Variants in PFKFB4 observed in about 807,000 individuals in gnomAD.
The protein encoded by PFKFB4 is 6-phosphofructo-2-kinase/fructose-2,6-biphosphatase 4, also known as 6-phosphofructo-2-kinase/fructose-2,6-bisphosphatase 4.
In PFKFB4, 42 loss-of-function variants were observed where a neutral mutation model predicts 62.8. The ratio of observed to expected loss-of-function variants is 0.67; its 90% CI spans 0.52 to 0.86. The LOEUF (loss-of-function observed/expected upper bound fraction) is 0.86, where lower values mean the gene tolerates loss of function less well. Among genes scored for constraint, PFKFB4 ranks in the 40% least tolerant of loss-of-function variants. PFKFB4 has a pLI of 0.00. For synonymous variants in PFKFB4, 204 were observed against 240.7 expected, an observed-to-expected ratio of 0.85 and a Z score of 1.41; for missense variants, 475 against 627.2, an observed-to-expected ratio of 0.76 and a Z score of 2.59.
chr3:48,536,692 G>A (rs1016866246), intron 7 of PFKFB4: 9 of 537,854 alleles, frequency 1.7e-5, no homozygotes, highest in East Asian at 8.9e-5. Flanking sequence ...GGAGGTGCTC[G>A]TCACTCATCA....
chr3:48,553,981 C>T (rs1560181665), intron 1 of PFKFB4, among the ~76,000 whole-genome samples: 1 of 152,204 alleles, frequency 6.6e-6, no homozygotes, highest in Non-Finnish European at 1.5e-5. Flanking sequence ...GGTCTGAGCT[C>T]GGAGGCCAAT....
upstream of PFKFB4, among the ~76,000 whole-genome samples, chr3:48,557,950 G>T (rs1488436138): frequency 6.6e-6 from 1 of 151,584 alleles, no homozygotes; most frequent in Non-Finnish European, 1.5e-5. Context: ...TTAGTATTTT[G>T]GTTTTTTTAA....
intron 3 of PFKFB4, among the ~76,000 whole-genome samples, chr3:48,549,367 A>C (rs1459468381): frequency 6.6e-6 from 1 of 152,100 alleles, no homozygotes; most frequent in Non-Finnish European, 1.5e-5. Context: ...TCCTGGGGCA[A>C]GGGAGGAAGC....
intron 3 of PFKFB4, among the ~76,000 whole-genome samples, chr3:48,546,036 TAA>T (rs2042953796): frequency 6.6e-6 from 1 of 151,752 alleles, no homozygotes; most frequent in Admixed American, 6.6e-5. Context: ...TGTGTGTGTA[TAA>T]GAGAGTGCAA....
At chr3:48,531,433 AT>A (rs757109110) in intron 9 of PFKFB4, among the ~76,000 whole-genome samples, 845 of 140,112 alleles carry the variant, frequency 6.0e-3, no homozygotes, top group Admixed American at 6.1e-3. Flanking sequence ...GGAAGCAGAA[AT>A]TTTTTTTTTT....
At position 48,533,403 on chromosome 3, in the gene PFKFB4, C is replaced by G. The variant is rs532770930; in HGVS notation, c.987+2109G>C. On this transcript the variant is annotated intron_variant, in intron 9 of 13. Coordinates refer to ENST00000232375, the MANE Select transcript of PFKFB4 (RefSeq NM_004567.4). Reference sequence around the variant, plus strand: ...ACCACAGTAAAAAAAAATGGAAAAACAAAAGCAGGGGTGGTAATATTCAAA... The same window carrying G: ...ACCACAGTAAAAAAAAATGGAAAAAGAAAAGCAGGGGTGGTAATATTCAAA... 5.9e-5 allele frequency among the ~76,000 whole-genome samples: 9 copies of G among 152,052 alleles called. No individual in the cohort carries two copies. The East Asian group carries it at 1.7e-3, about 29-fold the overall frequency.
Position 48,540,521 on chromosome 3 carries a change from T to C in PFKFB4, c.379-750A>G, listed in dbSNP as rs553861044. Among the ~76,000 whole-genome samples, 65 of 152,328 alleles carry C rather than the reference T, an allele frequency of 4.3e-4. 1 individual carries two copies. Among genetic ancestry groups the C allele is most frequent in the African/African-American group, 1.5e-3 (63 of 41,578 alleles). Reference sequence around the variant, plus strand: ...AGCTCTTTGAGAAGTACCTGGGGCCTGCACAAGCATCCTCTGAGTAGCCTC... The same window carrying C: ...AGCTCTTTGAGAAGTACCTGGGGCCCGCACAAGCATCCTCTGAGTAGCCTC... On this transcript the variant is annotated intron_variant, in intron 4 of 13. Coordinates refer to ENST00000232375, the MANE Select transcript of PFKFB4 (RefSeq NM_004567.4).
At chr3:48,522,080 C>CA (rs1209392033) in intron 12 of PFKFB4, 30 bp from the exon 13 acceptor site, 4 of 1,607,228 alleles carry the variant, frequency 2.5e-6, no homozygotes. Flanking sequence ...AATCCATCCC[C>CA]ACTCCTGAAA....
In PFKFB4 at chr3:48,523,527, G is replaced by T; in HGVS notation, c.1285+10C>A. ...GCTACCCATGGTCAATGTGCAGGAA[G>T]CTTCCTTACCATATGCCACAGGAGT... On this transcript the variant is annotated intron_variant, in intron 12 of 13. Coordinates refer to ENST00000232375, the MANE Select transcript of PFKFB4 (RefSeq NM_004567.4). 1 of 1,613,174 alleles carries T rather than the reference G, an allele frequency of 6.2e-7. No homozygotes were observed. Among genetic ancestry groups the T allele is most frequent in the Non-Finnish European group, 8.5e-7 (1 of 1,179,214 alleles).
intron 9 of PFKFB4, among the ~76,000 whole-genome samples, chr3:48,534,873 A>G (rs1344077609): frequency 1.3e-5 from 2 of 151,824 alleles, no homozygotes; most frequent in Non-Finnish European, 2.9e-5. Flanking sequence ...CAGTGGCACA[A>G]TCTCAGCCCA....
Position 48,543,523 on chromosome 3 carries a change from A to G in PFKFB4, c.378+57T>C. 7 of 1,476,624 alleles carry G rather than the reference A, an allele frequency of 4.7e-6. No individual in the cohort carries two copies. In the South Asian group the frequency reaches 7.2e-5, roughly 15 times the overall value. 91.5% of individuals were successfully genotyped at this position (1,476,624 alleles called of 1,614,324 possible). A position where few individuals can be genotyped will look rare whatever the true frequency, so the allele number is the denominator to read the frequency against. ...CCAGATGCCTGACGAGCAAAGGCAC[A>G]GATGTGGATGGGCTCCCATGTGTCA... On this transcript the variant is annotated intron_variant, in intron 4 of 13. Coordinates refer to ENST00000232375, the MANE Select transcript of PFKFB4 (RefSeq NM_004567.4).
At chr3:48,545,143 G>A (rs1413167775) in intron 3 of PFKFB4, among the ~76,000 whole-genome samples, 2 of 148,728 alleles carry the variant, frequency 1.3e-5, no homozygotes, top group Non-Finnish European at 3.0e-5. Flanking sequence ...TGTGTTTTTT[G>A]TTTTTTGAGA....
chr3:48,523,876 G>T (rs766013168), intron 10 of PFKFB4, 46 bp from the exon 11 acceptor site: 2 of 1,592,622 alleles, frequency 1.3e-6, no homozygotes, highest in Non-Finnish European at 1.7e-6. Flanking sequence ...GGCTCCGGGG[G>T]AGGGACAGAC....
upstream of PFKFB4, chr3:48,563,104 C>T (rs1283765012): frequency 1.9e-6 from 3 of 1,610,940 alleles, no homozygotes; most frequent in Non-Finnish European, 2.5e-6. This position sits in a 1 kb window ranked among gnomAD's most constrained non-coding sequence, Gnocchi z 4.5. Flanking sequence ...CCATCAGCAA[C>T]AGCAGAGCAC....
chr3:48,552,009 G>A (rs139618611), intron 1 of PFKFB4, among the ~76,000 whole-genome samples: 39 of 152,304 alleles, frequency 2.6e-4, no homozygotes, highest in African/African-American at 9.1e-4. Flanking sequence ...GCCTTCACCT[G>A]GTTGCCTAGA....
At chr3:48,539,376 G>T in intron 5 of PFKFB4, 66 bp from the exon 6 acceptor site, 1 of 1,380,132 alleles carries the variant, frequency 7.2e-7, no homozygotes, top group Non-Finnish European at 1.0e-6. Flanking sequence ...AGGGCCTCCC[G>T]CCTTGCTCCT....
intron 3 of PFKFB4, among the ~76,000 whole-genome samples, chr3:48,549,143 C>T (rs1358706215): frequency 6.6e-6 from 1 of 152,194 alleles, no homozygotes; most frequent in Non-Finnish European, 1.5e-5. Context: ...CTGCTCAGAC[C>T]ACCAGCTGGT....
upstream of PFKFB4, among the ~76,000 whole-genome samples, chr3:48,558,758 C>A (rs75535599): frequency 7.0e-3 from 1,059 of 152,326 alleles, 8 homozygotes; most frequent in East Asian, 0.01. Flanking sequence ...CTTATTCCTC[C>A]ACCCCAGTCC....
intron 9 of PFKFB4, among the ~76,000 whole-genome samples, chr3:48,533,091 T>A (rs543008094): frequency 6.6e-6 from 1 of 152,192 alleles, no homozygotes; most frequent in South Asian, 2.1e-4. Flanking sequence ...CAGGCTGGAG[T>A]GCAAGGGCCA....
Sources: gnomAD v4.1 joint callset for allele counts (sites outside exome capture counted in the v4.1 genomes callset) on GRCh38, gnomAD v4.1.1 for gene constraint, Gnocchi (gnomAD v3.1) non-coding constraint, MANE v1.5 for transcripts, NCBI Gene and HGNC (gene_info 2026-07-23, HGNC 2026-07-21) for gene names.